Variants in TNS3 observed in about 807,000 individuals in gnomAD.
The protein encoded by TNS3 is tensin 3.
TNS3 carries 45 observed loss-of-function variants against 140.9 expected under a neutral mutation model. That is an observed-to-expected ratio of 0.32 (90% CI 0.25 to 0.41). The LOEUF is 0.41. Ranked by LOEUF, TNS3 falls within the 10% of genes least tolerant of loss-of-function variation. The pLI, the probability that TNS3 is intolerant of heterozygous loss-of-function variation, is 1.00. For missense variants in TNS3, 1,716 were observed against 1,906.7 expected (o/e 0.90, Z 1.86); for synonymous variants, 815 against 788.4 (o/e 1.03, Z -0.56).
intron 20 of TNS3, among the ~76,000 whole-genome samples, chr7:47,337,821 C>T (rs1251250558): frequency 6.6e-6 from 1 of 152,230 alleles, no homozygotes; most frequent in African/African-American, 2.4e-5. Context: ...CTCCACCACT[C>T]TTCTGCCAAT....
At chr7:47,581,442 G>A (rs1476121163) in intron 1 of TNS3, 1 of 151,968 alleles carries the variant, frequency 6.6e-6, no homozygotes, top group Non-Finnish European at 1.5e-5. Flanking sequence ...TGGAGAGCTT[G>A]CCTAGAAAAA....
intron 3 of TNS3, among the ~76,000 whole-genome samples, chr7:47,505,997 G>A (rs958477908): frequency 6.6e-6 from 1 of 152,170 alleles, no homozygotes; most frequent in East Asian, 1.9e-4. Context: ...GGAGCCGAAG[G>A]CAGGGCTGGA....
rs115258737 is a variant in TNS3 at position 47,566,722 on chromosome 7, G to A, written c.-265+15329C>T. Reference sequence around the variant, plus strand: ...TCTCAACCAAGTGATCTGACTTAGCGGGCCAACAGCAGGACAAAAAGACAT... The same window carrying A: ...TCTCAACCAAGTGATCTGACTTAGCAGGCCAACAGCAGGACAAAAAGACAT... On this transcript the variant is annotated intron_variant, in intron 1 of 30. Coordinates refer to ENST00000311160, the MANE Select transcript of TNS3 (RefSeq NM_022748.12). Among the ~76,000 whole-genome samples the A allele has an allele frequency of 6.1e-3, 931 of 152,228 alleles. 13 individuals carry two copies. Among genetic ancestry groups the A allele is most frequent in the African/African-American group, 0.021 (893 of 41,536 alleles).
intron 3 of TNS3, among the ~76,000 whole-genome samples, chr7:47,489,912 C>A (rs902965641): frequency 6.6e-6 from 1 of 152,136 alleles, no homozygotes; most frequent in African/African-American, 2.4e-5. Flanking sequence ...AGCCGAGGCC[C>A]GCAGAGGCAG....
chr7:47,370,750 G>A (rs1490660731), intron 16 of TNS3, among the ~76,000 whole-genome samples: 1 of 152,214 alleles, frequency 6.6e-6, no homozygotes, highest in Non-Finnish European at 1.5e-5. Context: ...CAGCCAGGGA[G>A]CTGCTGGTGG....
chr7:47,345,598 T>G (rs750372784), intron 18 of TNS3, among the ~76,000 whole-genome samples: 8 of 152,136 alleles, frequency 5.3e-5, no homozygotes, highest in Non-Finnish European at 8.8e-5. Flanking sequence ...AAATAATTAA[T>G]CGTTTTGGAT....
intron 2 of TNS3, among the ~76,000 whole-genome samples, chr7:47,520,393 G>A (rs1798930778): frequency 6.6e-6 from 1 of 152,110 alleles, no homozygotes; most frequent in Non-Finnish European, 1.5e-5. Context: ...CAAATACTTG[G>A]ATTTATGAGC....
chr7:47,529,282 A>G, intron 1 of TNS3, 135 bp from the exon 2 acceptor site: 1 of 445,272 alleles, frequency 2.2e-6, no homozygotes. Flanking sequence ...CAAACAGAGA[A>G]CAAGAAACCA....
chr7:47,455,942 G>A (rs1180684095), intron 4 of TNS3, among the ~76,000 whole-genome samples: 1 of 152,236 alleles, frequency 6.6e-6, no homozygotes, highest in African/African-American at 2.4e-5. Context: ...GGGCAGCCAG[G>A]AGTGACACAC....
At chr7:47,564,650 C>CAAAAA (rs397961987) in intron 1 of TNS3, among the ~76,000 whole-genome samples, 2 of 99,110 alleles carry the variant, frequency 2.0e-5, no homozygotes, top group Non-Finnish European at 4.0e-5. Context: ...AAAAAAAAAA[C>CAAAAA]AAAAAAAAAC....
chr7:47,292,748 A>G lies in TNS3; in HGVS notation c.3850+80T>C. 4 of 1,234,990 alleles carry G rather than the reference A, an allele frequency of 3.2e-6. 1 individual carries two copies. In the South Asian group the frequency reaches 4.0e-5, roughly 12 times the overall value. 76.5% of individuals were successfully genotyped at this position (1,234,990 alleles called of 1,614,324 possible). Reference sequence around the variant, plus strand: ...CCAGTCTTATTATTTTTCTCAGTGGATCTTCATGGATCTCTAAAACCGGTG... The same window carrying G: ...CCAGTCTTATTATTTTTCTCAGTGGGTCTTCATGGATCTCTAAAACCGGTG... On this transcript the variant is annotated intron_variant, in intron 26 of 30. Coordinates refer to ENST00000311160, the MANE Select transcript of TNS3 (RefSeq NM_022748.12).
chr7:47,488,149 T>A (rs1481037362), intron 3 of TNS3, among the ~76,000 whole-genome samples: 1 of 152,224 alleles, frequency 6.6e-6, no homozygotes, highest in Non-Finnish European at 1.5e-5. Flanking sequence ...ACTAGCAAGA[T>A]CTTTAATTCA....
chr7:47,425,707 T>C (rs1794610683), intron 9 of TNS3, among the ~76,000 whole-genome samples: 1 of 152,202 alleles, frequency 6.6e-6, no homozygotes, highest in Non-Finnish European at 1.5e-5. Context: ...TGAGAATACA[T>C]TTTGACCAAT....
At chr7:47,319,580 T>G (rs1000589989) in intron 20 of TNS3, among the ~76,000 whole-genome samples, 1 of 152,118 alleles carries the variant, frequency 6.6e-6, no homozygotes, top group Non-Finnish European at 1.5e-5. Context: ...TATCAATGAC[T>G]GCACCATGGA....
intron 1 of TNS3, among the ~76,000 whole-genome samples, chr7:47,574,851 T>TG (rs1800640416): frequency 6.6e-6 from 1 of 151,988 alleles, no homozygotes; most frequent in Admixed American, 6.6e-5. Flanking sequence ...TGCCAGGGAC[T>TG]GGGGGGAGGG....
chr7:47,304,734 C>T (rs1400765619), intron 21 of TNS3, 98 bp downstream of exon 21: 1 of 1,207,842 alleles, frequency 8.3e-7, no homozygotes, highest in Non-Finnish European at 1.1e-6. Flanking sequence ...CTAGCTTCAG[C>T]TTCTCTGAAG....
At chr7:47,547,672 C>T (rs2151976310) in intron 1 of TNS3, among the ~76,000 whole-genome samples, 1 of 152,196 alleles carries the variant, frequency 6.6e-6, no homozygotes, top group East Asian at 1.9e-4. Flanking sequence ...TCCAGGAGCC[C>T]TCAGCATGGC....
chr7:47,354,703 C>T (rs1397546583), intron 17 of TNS3, among the ~76,000 whole-genome samples: 1 of 152,170 alleles, frequency 6.6e-6, no homozygotes, highest in Non-Finnish European at 1.5e-5. Flanking sequence ...TGAACACAGA[C>T]CCCGGTGATC....
chr7:47,484,430 C>T (rs1204083468), intron 3 of TNS3, among the ~76,000 whole-genome samples: 1 of 152,168 alleles, frequency 6.6e-6, no homozygotes, highest in Non-Finnish European at 1.5e-5. Context: ...ACTGTATTTC[C>T]GTCACACTTT....
Sources: gnomAD v4.1 joint callset for allele counts (sites outside exome capture counted in the v4.1 genomes callset) on GRCh38, gnomAD v4.1.1 for gene constraint, MANE v1.5 for transcripts, NCBI Gene and HGNC (gene_info 2026-07-23, HGNC 2026-07-21) for gene names.